The following NCOA6 variants were observed in gnomAD, a reference collection of about 807,000 sequenced individuals.
NCOA6 encodes nuclear receptor coactivator 6.
In NCOA6, 49 loss-of-function variants were observed where a neutral mutation model predicts 171.4. The ratio of observed to expected loss-of-function variants is 0.29; its 90% CI spans 0.23 to 0.36. The LOEUF is 0.36. NCOA6 is among the 10% of genes least tolerant of loss of function. The pLI is 1.00. For synonymous variants in NCOA6, 910 were observed against 927.5 expected, an observed-to-expected ratio of 0.98 and a Z score of 0.34; for missense variants, 2,248 against 2,554.5, an observed-to-expected ratio of 0.88 and a Z score of 2.59.
At chr20:34,732,011 ACT>A (rs1023035060) in intron 13 of NCOA6, among the ~76,000 whole-genome samples, 5 of 152,142 alleles carry the variant, frequency 3.3e-5, no homozygotes, top group Non-Finnish European at 7.3e-5. Flanking sequence ...ATAGAGCAAG[ACT>A]CTGTCTCCAA....
intron 3 of NCOA6, 58 bp downstream of exon 3, chr20:34,782,062 TG>T: frequency 8.2e-7 from 1 of 1,226,466 alleles, no homozygotes; most frequent in Non-Finnish European, 1.1e-6. Flanking sequence ...AAGATAACCA[TG>T]GAAGGGCAAA....
At position 34,750,448 on chromosome 20, in the gene NCOA6, T is replaced by G; in HGVS notation, c.1747A>C (p.Ser583Arg). The G allele has an allele frequency of 6.8e-6, 11 of 1,613,940 alleles. No individual in the cohort carries two copies. Among genetic ancestry groups the G allele is most frequent in the Non-Finnish European group, 9.3e-6 (11 of 1,179,988 alleles). ...SHGPPNMMQP[S>R]LMGIHGNMNN... is the part of the protein sequence containing the mutation. Reference sequence around the variant, plus strand: ...ATGTTGCCATGAATTCCCATGAGGCTGGGCTGCATCATATTTGGCGGCCCG... The same window carrying G: ...ATGTTGCCATGAATTCCCATGAGGCGGGGCTGCATCATATTTGGCGGCCCG... Residue 583 changes from serine to arginine, a missense_variant, in exon 9 of 15, where the codon AGC (serine) becomes CGC (arginine). By Grantham distance (110) the Ser-to-Arg change is moderately radical (BLOSUM62 -1). This residue lies in a region of NCOA6 where 987 missense variants were observed against 1,104.7 expected (regional missense o/e 0.89). Coordinates refer to ENST00000359003, the MANE Select transcript of NCOA6 (RefSeq NM_014071.5).
At chr20:34,752,745 A>G (rs1256784483) in intron 8 of NCOA6, among the ~76,000 whole-genome samples, 2 of 152,066 alleles carry the variant, frequency 1.3e-5, no homozygotes, top group Non-Finnish European at 2.9e-5. Flanking sequence ...CCTGGCCAAC[A>G]TGGTGACACC....
At chr20:34,715,444 G>A in intron 14 of NCOA6, 79 bp from the exon 15 acceptor site, 1 of 1,065,832 alleles carries the variant, frequency 9.4e-7, no homozygotes, top group South Asian at 1.3e-5. Context: ...CAACAAGCAG[G>A]GCAGACCTAA....
intron 14 of NCOA6, among the ~76,000 whole-genome samples, chr20:34,723,301 G>A (rs894646809): frequency 1.3e-5 from 2 of 152,178 alleles, no homozygotes; most frequent in Non-Finnish European, 2.9e-5. Flanking sequence ...CCCAGCTGGT[G>A]TCTGAGGCAG....
intron 8 of NCOA6, 69 bp from the exon 9 acceptor site, chr20:34,750,588 G>T: frequency 1.4e-6 from 2 of 1,426,118 alleles, no homozygotes; most frequent in Non-Finnish European, 1.9e-6. Context: ...AGATACTCAA[G>T]TTACATTACT....
chr20:34,743,364 G>C, intron 10 of NCOA6, 23 bp from the exon 11 acceptor site: 2 of 1,572,316 alleles, frequency 1.3e-6, no homozygotes, highest in Non-Finnish European at 8.6e-7. Flanking sequence ...CCCCAAATTA[G>C]GGAAGTTAGA....
intron 5 of NCOA6, among the ~76,000 whole-genome samples, chr20:34,763,010 A>C (rs763930956): frequency 6.6e-6 from 1 of 152,152 alleles, no homozygotes; most frequent in Non-Finnish European, 1.5e-5. Context: ...TTTGTAAATA[A>C]TACGTCTTTT....
chr20:34,753,069 GTC>G (rs1459592000), intron 8 of NCOA6, among the ~76,000 whole-genome samples: 1 of 149,556 alleles, frequency 6.7e-6, no homozygotes, highest in South Asian at 2.1e-4. Context: ...TTGAGATGAA[GTC>G]TCTCTCTGTC....
intron 14 of NCOA6, among the ~76,000 whole-genome samples, chr20:34,726,419 T>C (rs957822344): frequency 1.3e-5 from 2 of 151,908 alleles, no homozygotes; most frequent in African/African-American, 4.8e-5. Flanking sequence ...GTGGGAAAGA[T>C]AGTTGACCAT....
In NCOA6 at chr20:34,758,020, A is replaced by G; in HGVS notation, c.728T>C (p.Met243Thr). The change falls in exon 7 of 15, where the codon ATG becomes ACG. Residue 243 changes from methionine (M) to threonine (T), a missense_variant. Around this residue, in one of 7 missense-constraint regions of NCOA6, gnomAD observed 987 missense variants for 1,104.7 expected, o/e 0.89. Coordinates refer to ENST00000359003, the MANE Select transcript of NCOA6 (RefSeq NM_014071.5). ...TTGTCTGTTCACAGAGACAGGCTGCATTGGGTGATGTGGGGGAGCTAAAGA... is the reference window on the plus strand; with the variant it reads ...TTGTCTGTTCACAGAGACAGGCTGCGTTGGGTGATGTGGGGGAGCTAAAGA... ...SGSLAPPHHP[M>T]QPVSVNRQMN... is the part of the protein sequence containing the mutation. The G allele has an allele frequency of 6.2e-7, 1 of 1,614,018 alleles. No individual in the cohort carries two copies. The highest frequency in any genetic ancestry group is 8.5e-7 in the Non-Finnish European group (1 of 1,180,018).
chr20:34,757,769 G>A lies in NCOA6; in HGVS notation c.979C>T (p.Gln327Ter). The A allele has an allele frequency of 6.2e-7, 1 of 1,614,168 alleles. No homozygotes were observed. Among genetic ancestry groups the A allele is most frequent in the Non-Finnish European group, 8.5e-7 (1 of 1,180,018 alleles). The change falls in exon 7 of 15, where the codon CAA becomes TAA. Residue 327 changes from glutamine to a stop codon, truncating the protein, a stop_gained. Transcript: ENST00000359003. LOFTEE classifies it high-confidence loss of function. Reference sequence around the variant, plus strand: ...AGAGAACCCTGGGCTGGAGGAGGTTGAAGGGCTCCAGAAGGCAGCTGGTTC... The same window carrying A: ...AGAGAACCCTGGGCTGGAGGAGGTTAAAGGGCTCCAGAAGGCAGCTGGTTC... ...GWNQLPSGAL[Q>*]PPPAQGSLGT...
At chr20:34,721,848 G>A (rs1430203025) in intron 14 of NCOA6, among the ~76,000 whole-genome samples, 1 of 151,828 alleles carries the variant, frequency 6.6e-6, no homozygotes. Context: ...TTGAGCCCAG[G>A]AGTTCTAGAC....
chr20:34,743,489 C>T (rs2145603821), intron 10 of NCOA6, 148 bp from the exon 11 acceptor site: 1 of 787,506 alleles, frequency 1.3e-6, no homozygotes, highest in East Asian at 2.6e-5. Context: ...CAGGGGGCAG[C>T]CCCTCATTAC....
chr20:34,778,474 C>G (rs576487137), intron 3 of NCOA6, among the ~76,000 whole-genome samples: 1 of 151,250 alleles, frequency 6.6e-6, no homozygotes, highest in South Asian at 2.1e-4. Context: ...TGTCGCCAGG[C>G]TGGAGTGCAG....
chr20:34,818,418 A>G (rs2078907793), intron 1 of NCOA6, among the ~76,000 whole-genome samples: 1 of 152,178 alleles, frequency 6.6e-6, no homozygotes, highest in Non-Finnish European at 1.5e-5. Flanking sequence ...GGGAAAGAAA[A>G]GCCACTACTA....
chr20:34,742,074 A>T lies in NCOA6; in HGVS notation c.4182T>A (p.Ser1394Arg), dbSNP rs1425175516. The change falls in exon 11 of 15, where the codon AGT becomes AGA. Residue 1394 changes from serine (S) to arginine (R), a missense_variant. By Grantham distance (110) the Ser-to-Arg change is moderately radical. Coordinates refer to ENST00000359003, the MANE Select transcript of NCOA6 (RefSeq NM_014071.5). ...PPVPGSFPNNSGLNPQNSTVS... is the reference protein window; with the variant it reads ...PPVPGSFPNNRGLNPQNSTVS... ...CAGTAGAATTCTGAGGATTCAGCCC[A>T]CTGTTGTTAGGAAAGCTCCCAGGTA... 3.1e-6 allele frequency: 5 copies of T among 1,614,058 alleles called. No individual in the cohort carries two copies. The highest frequency in any genetic ancestry group is 3.3e-5 in the Admixed American group (2 of 60,004).
intron 7 of NCOA6, 56 bp downstream of exon 7, chr20:34,757,164 T>C: frequency 2.0e-6 from 3 of 1,479,890 alleles, no homozygotes; most frequent in Non-Finnish European, 2.7e-6. Context: ...ACTGAAGTTC[T>C]ACTAAGATCT....
At position 34,741,312 on chromosome 20, in the gene NCOA6, C is replaced by G. The variant is rs2076135215; in HGVS notation, c.4944G>C (p.Gln1648His). ...TAATGAACTGAGGCCGGGCATTAGA[C>G]TGAGCAGCTGACTGTCCCTCAGAAA... ...VMVSEGQSAA[Q>H]SNARPQFITP... Residue 1648 changes from glutamine (Q) to histidine (H), a missense_variant, in exon 11 of 15, where the codon CAG becomes CAC. Physicochemically the swap from Gln to His is conservative, Grantham distance 24 (BLOSUM62 0). This residue lies in a region of NCOA6 where 884 missense variants were observed against 941.9 expected (regional missense o/e 0.94). Coordinates refer to ENST00000359003, the MANE Select transcript of NCOA6 (RefSeq NM_014071.5). 1 of 1,614,094 alleles carries G rather than the reference C, an allele frequency of 6.2e-7. No homozygotes were observed.
Sources: gnomAD v4.1 joint callset for allele counts (sites outside exome capture counted in the v4.1 genomes callset) on GRCh38, gnomAD v4.1.1 for gene constraint, gnomAD v4.1.1 regional missense constraint, MANE v1.5 for transcripts, NCBI Gene and HGNC (gene_info 2026-07-23, HGNC 2026-07-21) for gene names.